The following CATSPERD variants were observed in gnomAD, a reference collection of about 807,000 sequenced individuals.
CATSPERD encodes catsper channel auxiliary subunit delta.
CATSPERD carries 86 observed loss-of-function variants against 98.1 expected under a neutral mutation model. That is an observed-to-expected ratio of 0.88 (90% CI 0.74 to 1.05). The LOEUF (loss-of-function observed/expected upper bound fraction) is 1.05. Among genes scored for constraint, CATSPERD ranks in the 50% least tolerant of loss-of-function variants. CATSPERD has a pLI of 0.00. For synonymous variants in CATSPERD, 394 were observed against 390.2 expected (o/e 1.01, Z -0.12); for missense variants, 995 against 1,005.7 (o/e 0.99, Z 0.14).
At chr19:5,763,166 G>A (rs376945759) in intron 15 of CATSPERD, 49 bp from the exon 16 acceptor site, 181 of 1,422,880 alleles carry the variant, frequency 1.3e-4, no homozygotes, top group Middle Eastern at 5.2e-4. Flanking sequence ...CAGCTGTGTC[G>A]TTTACAGGGG....
chr19:5,751,892 G>A (rs992463273), intron 12 of CATSPERD, 69 bp downstream of exon 12: 1 of 1,448,120 alleles, frequency 6.9e-7, no homozygotes, highest in Non-Finnish European at 9.4e-7. Flanking sequence ...CCTGGGCATG[G>A]TGGTGCACGC....
At chr19:5,759,225 G>T in intron 15 of CATSPERD, 81 bp downstream of exon 15, 2 of 1,238,376 alleles carry the variant, frequency 1.6e-6, no homozygotes, top group South Asian at 1.2e-5. Context: ...GCAGGTCTGA[G>T]ATCAGACCCC....
intron 2 of CATSPERD, among the ~76,000 whole-genome samples, chr19:5,726,230 T>C (rs981717004): frequency 1.3e-5 from 2 of 149,872 alleles, no homozygotes; most frequent in East Asian, 4.1e-4. Context: ...CCCACCTAAT[T>C]TTTGTATTTT....
At chr19:5,741,644 A>T (rs1332554200) in intron 7 of CATSPERD, among the ~76,000 whole-genome samples, 2 of 151,976 alleles carry the variant, frequency 1.3e-5, no homozygotes, top group Non-Finnish European at 2.9e-5. Flanking sequence ...CAGGAAACTG[A>T]CTTGGAAGTA....
At chr19:5,726,556 G>GT (rs1427683402) in intron 2 of CATSPERD, among the ~76,000 whole-genome samples, 1 of 151,418 alleles carries the variant, frequency 6.6e-6, no homozygotes, top group Non-Finnish European at 1.5e-5. Flanking sequence ...CAATTTTTAT[G>GT]TTTTTTGTAG....
rs1051629072 is a variant in CATSPERD, at chr19:5,771,018, T to C, written c.1709T>C (p.Leu570Pro). Residue 570 changes from leucine (L) to proline (P), a missense_variant, in exon 19 of 22, where the codon CTG (leucine) becomes CCG (proline). Leu to Pro is a moderately conservative substitution (Grantham distance 98). This residue lies in a region of CATSPERD where 762 missense variants were observed against 773.7 expected (regional missense o/e 0.98). Transcript: ENST00000381624. ...CACGTGTTTTACTCCTACCAGCAGC[T>C]GGGCTGTCCTCTCCTCGTCTACTAT... The part of the protein sequence containing the change: ...DLHVFYSYQQ[L>P]GCPLLVYYDT... The C allele has an allele frequency of 1.9e-6, 3 of 1,613,980 alleles. No individual in the cohort carries two copies. Among genetic ancestry groups the C allele is most frequent in the African/African-American group, 1.3e-5 (1 of 74,924 alleles).
intron 19 of CATSPERD, 141 bp from the exon 20 acceptor site, chr19:5,772,647 G>A: frequency 1.3e-6 from 1 of 774,228 alleles, no homozygotes; most frequent in Non-Finnish European, 2.1e-6. Flanking sequence ...TCCTCAGCTG[G>A]GAGCGGCAGG....
chr19:5,767,316 C>CAA (rs35758861), intron 17 of CATSPERD, among the ~76,000 whole-genome samples: 4,474 of 78,180 alleles, frequency 0.057, 490 homozygotes, highest in African/African-American at 0.19. Flanking sequence ...GACTCTGTCT[C>CAA]AAAAAAAAAA....
chr19:5,744,738 C>T (rs2145752502), intron 8 of CATSPERD, among the ~76,000 whole-genome samples: 1 of 151,712 alleles, frequency 6.6e-6, no homozygotes, highest in Non-Finnish European at 1.5e-5. Context: ...GTAGCTGGGA[C>T]TATGGGCTCG....
Position 5,751,715 on chromosome 19 carries a change from A to G in CATSPERD, c.1056A>G (p.Ile352Met). Reference sequence around the variant, plus strand: ...TCAGGAGCCCAGGGACTCTGGAAATACTGACCCCACTGCGTGACACAGCCT... The same window carrying G: ...TCAGGAGCCCAGGGACTCTGGAAATGCTGACCCCACTGCGTGACACAGCCT... ...LMFRSPGTLE[I>M]LTPLRDTAFP... Residue 352 changes from isoleucine (I) to methionine (M), a missense_variant, in exon 12 of 22, where the codon ATA (isoleucine) becomes ATG (methionine). This residue lies in a region of CATSPERD where 762 missense variants were observed against 773.7 expected (regional missense o/e 0.98). Transcript: ENST00000381624. 6 of 1,613,930 alleles carry G rather than the reference A, an allele frequency of 3.7e-6. No homozygotes were observed. Among genetic ancestry groups the G allele is most frequent in the Non-Finnish European group, 5.1e-6 (6 of 1,179,964 alleles).
Position 5,721,214 on chromosome 19 carries a change from G to C in CATSPERD, c.71+406G>C, listed in dbSNP as rs541194700. ...GACGGGGGTTTCACCGTATTAGCCA[G>C]GATGGTCCCGATCTCCTGACCTCGT... On this transcript the variant is annotated intron_variant, in intron 1 of 21. Coordinates refer to ENST00000381624, the MANE Select transcript of CATSPERD (RefSeq NM_152784.4). 2.0e-5 allele frequency among the ~76,000 whole-genome samples: 3 copies of C among 152,246 alleles called. No individual in the cohort carries two copies. In the South Asian group the frequency reaches 6.2e-4, roughly 32 times the overall value.
chr19:5,749,190 A>G lies in CATSPERD; in HGVS notation c.987+7A>G. 3.1e-6 allele frequency: 5 copies of G among 1,606,884 alleles called. No individual in the cohort carries two copies. The highest frequency in any genetic ancestry group is 1.1e-5 in the South Asian group (1 of 90,524). ...GCCAAGTTCCATAATCAAAGTAGGT[A>G]AAAAGAAAGTGGGGTTATGGGCTGG... On this transcript the variant is annotated splice_region_variant and intron_variant, in intron 11 of 21. Coordinates refer to ENST00000381624, the MANE Select transcript of CATSPERD (RefSeq NM_152784.4).
rs530752903 is a variant in CATSPERD at position 5,767,828 on chromosome 19, GCT to G, written c.1560-337_1560-336del. Among the ~76,000 whole-genome samples the G allele has an allele frequency of 2.2e-3, 337 of 151,840 alleles. 1 individual carries two copies. Among genetic ancestry groups the G allele is most frequent in the African/African-American group, 7.8e-3 (324 of 41,384 alleles). The stretch of plus-strand genomic sequence containing the variant: ...CGATTTATTTTTGAGACAGAGTCTT[GCT>G]CTGTCACCCAGGCAGGAGTGCAATG... On this transcript the variant is annotated intron_variant, in intron 17 of 21. Coordinates refer to ENST00000381624, the MANE Select transcript of CATSPERD (RefSeq NM_152784.4).
Position 5,720,753 on chromosome 19 carries a change from C to T in CATSPERD, c.16C>T (p.Leu6=), listed in dbSNP as rs1261755877. 7 of 1,605,674 alleles carry T rather than the reference C, an allele frequency of 4.4e-6. No homozygotes were observed. In the African/African-American group the frequency reaches 9.3e-5, roughly 21 times the overall value. ...GCCCAAGTCGATGCTGATGTTGATG[C>T]TGGTGGCGGCTGTGACCATGTGGCT... The part of the protein sequence containing the change: MLMLM[L]VAAVTMWLRP... Residue 6 remains leucine (L), a synonymous_variant, in exon 1 of 22, where the codon CTG becomes TTG. Transcript: ENST00000381624.
intron 2 of CATSPERD, 141 bp from the exon 3 acceptor site, chr19:5,727,127 G>A (rs979716904): frequency 8.6e-5 from 49 of 569,050 alleles, no homozygotes; most frequent in Non-Finnish European, 1.4e-4. Flanking sequence ...CCTGGGAGGC[G>A]GAGCTTGCAG....
At chr19:5,747,464 G>C (rs900202985) in intron 9 of CATSPERD, among the ~76,000 whole-genome samples, 1 of 151,826 alleles carries the variant, frequency 6.6e-6, no homozygotes, top group Non-Finnish European at 1.5e-5. Context: ...CACCAAACCC[G>C]GCCTGTTTTA....
chr19:5,751,177 G>A (rs1165461979), intron 11 of CATSPERD, among the ~76,000 whole-genome samples: 11 of 101,580 alleles, frequency 1.1e-4, no homozygotes, highest in Admixed American at 7.9e-4. Context: ...CAGCCCAGGC[G>A]ACAGAACAAG....
intron 21 of CATSPERD, among the ~76,000 whole-genome samples, chr19:5,777,671 T>G (rs1205337201): frequency 1.3e-5 from 2 of 152,010 alleles, no homozygotes; most frequent in Admixed American, 6.6e-5. Flanking sequence ...TCACTTGAAG[T>G]CAGGAGTTCG....
chr19:5,776,300 T>G lies in CATSPERD; in HGVS notation c.2081T>G (p.Val694Gly), dbSNP rs1415197987. ...NGFYVFYISIVDPYYSYCQLE... is the reference protein window; with the variant it reads ...NGFYVFYISIGDPYYSYCQLE... The stretch of plus-strand genomic sequence containing the variant: ...TTTTATGTCTTCTACATTTCGATCG[T>G]GGATCCGTACTACAGGTGAGTGGGC... The change falls in exon 21 of 22, where the codon GTG (valine) becomes GGG (glycine). Residue 694 changes from valine (V) to glycine (G), a missense_variant. By Grantham distance (109) the Val-to-Gly change is moderately radical (BLOSUM62 -3). Transcript: ENST00000381624. 8 of 1,614,100 alleles carry G rather than the reference T, an allele frequency of 5.0e-6. No individual in the cohort carries two copies. Among genetic ancestry groups the G allele is most frequent in the Non-Finnish European group, 6.8e-6 (8 of 1,179,966 alleles).
Sources: gnomAD v4.1 joint callset for allele counts (sites outside exome capture counted in the v4.1 genomes callset) on GRCh38, gnomAD v4.1.1 for gene constraint, gnomAD v4.1.1 regional missense constraint, MANE v1.5 for transcripts, NCBI Gene and HGNC (gene_info 2026-07-23, HGNC 2026-07-21) for gene names.